The following SYNE1 variants were observed in gnomAD, a reference collection of about 807,000 sequenced individuals.
The protein encoded by SYNE1 is nesprin-1.
Under a neutral mutation model 1,111.0 loss-of-function variants are expected in SYNE1, and 616 were observed. That is an observed-to-expected ratio of 0.55 (90% CI 0.52 to 0.59). SYNE1 has a LOEUF of 0.59. Ranked by LOEUF, SYNE1 falls within the 20% of genes least tolerant of loss-of-function variation. The pLI, the probability that SYNE1 is intolerant of heterozygous loss-of-function variation, is 0.00. For missense variants in SYNE1, 10,006 were observed against 10,417.0 expected (o/e 0.96, Z 1.72); for synonymous variants, 3,855 against 3,825.8 (o/e 1.01, Z -0.28).
intron 131 of SYNE1, among the ~76,000 whole-genome samples, chr6:152,161,509 C>T (rs1301844185): frequency 6.6e-6 from 1 of 151,866 alleles, no homozygotes; most frequent in Admixed American, 6.6e-5. Flanking sequence ...AAATGGCATC[C>T]TATCATTTTA....
intron 145 of SYNE1, among the ~76,000 whole-genome samples, chr6:152,122,912 GGTTCAAA>G (rs2051848400): frequency 6.6e-6 from 1 of 152,060 alleles, no homozygotes; most frequent in African/African-American, 2.4e-5. Flanking sequence ...TAAGTAATTA[GGTTCAAA>G]TTCTACTCCT....
chr6:152,236,613 A>G (rs1010474961), intron 109 of SYNE1, among the ~76,000 whole-genome samples: 2 of 152,178 alleles, frequency 1.3e-5, no homozygotes, highest in African/African-American at 4.8e-5. Context: ...GAATTTTCAA[A>G]AAGAGCTCTC....
intron 25 of SYNE1, among the ~76,000 whole-genome samples, chr6:152,451,461 G>A (rs2098648839): frequency 7.3e-6 from 1 of 137,828 alleles, no homozygotes; most frequent in African/African-American, 2.8e-5. Flanking sequence ...CAGTAGCCCT[G>A]CACCGTATTT....
rs191886293 is a variant in SYNE1, at chr6:152,270,423, C to T, written c.18574-1137G>A. On this transcript the variant is annotated intron_variant, in intron 98 of 145. Coordinates refer to ENST00000367255, the MANE Select transcript of SYNE1 (RefSeq NM_182961.4). ...TCCATCACCATCACCAGAAACTGGC[C>T]CATTGCTAAGCTGGCTTGGAGAAAG... is the stretch of plus-strand genomic sequence containing the variant. Among the ~76,000 whole-genome samples the T allele has an allele frequency of 7.4e-3, 1,130 of 152,188 alleles. 14 individuals are homozygous for T. The highest frequency in any genetic ancestry group is 0.025 in the African/African-American group (1,050 of 41,524).
intron 11 of SYNE1, among the ~76,000 whole-genome samples, chr6:152,497,100 G>C (rs1232013525): frequency 6.6e-6 from 1 of 152,068 alleles, no homozygotes; most frequent in African/African-American, 2.4e-5. Flanking sequence ...GCCTGCACTT[G>C]GGTGATTAAA....
chr6:152,520,384 A>G, intron 6 of SYNE1, 75 bp downstream of exon 6: 1 of 1,402,526 alleles, frequency 7.1e-7, no homozygotes, highest in Admixed American at 1.7e-5. Context: ...CTGACTACAG[A>G]TAGGAGCCAA....
In SYNE1 at chr6:152,492,094, C is replaced by T. The variant is rs553229159; in HGVS notation, c.940-3591G>A. 4.6e-5 allele frequency among the ~76,000 whole-genome samples: 7 copies of T among 152,324 alleles called. No homozygotes were observed. The East Asian group carries it at 1.2e-3, about 25-fold the overall frequency. On this transcript the variant is annotated intron_variant, in intron 11 of 145. Coordinates refer to ENST00000367255, the MANE Select transcript of SYNE1 (RefSeq NM_182961.4). ...TCTCTCAAATCAGTTAGTGTTCAGG[C>T]TCTTTTTCGTCAAGTATAAAAGCCC... is the stretch of plus-strand genomic sequence containing the variant.
At chr6:152,565,234 A>T (rs923503951) in intron 3 of SYNE1, among the ~76,000 whole-genome samples, 1 of 152,218 alleles carries the variant, frequency 6.6e-6, no homozygotes, top group Non-Finnish European at 1.5e-5. Flanking sequence ...GAATTTAGAC[A>T]TTCAAAGGTA....
rs1186798259 is a variant in SYNE1, at chr6:152,391,408, C to T, written c.7873G>A (p.Glu2625Lys). ...KLRSCQVALQ[E>K]HEALEEALQS... The stretch of plus-strand genomic sequence containing the variant: ...AGTGCTTCCTCCAGGGCTTCGTGCT[C>T]CTGAAGGGCCACCTGGCAGCTCCGG... The change falls in exon 52 of 146, where the codon GAG becomes AAG. Residue 2625 changes from glutamate (E) to lysine (K), a missense_variant. Physicochemically the swap from Glu to Lys is moderately conservative, Grantham distance 56 (BLOSUM62 1). Around this residue, in one of 7 missense-constraint regions of SYNE1, gnomAD observed 4,955 missense variants for 5,017.2 expected, o/e 0.99. Transcript: ENST00000367255. The T allele has an allele frequency of 4.3e-6, 7 of 1,613,790 alleles. No individual in the cohort carries two copies. In the Admixed American group the frequency reaches 8.3e-5, roughly 19 times the overall value.
At chr6:152,484,503 C>T (rs922412633) in intron 13 of SYNE1, among the ~76,000 whole-genome samples, 1 of 152,112 alleles carries the variant, frequency 6.6e-6, no homozygotes, top group African/African-American at 2.4e-5. Flanking sequence ...TGCTACAAGA[C>T]CAGAGAGTCA....
intron 99 of SYNE1, 94 bp downstream of exon 99, chr6:152,269,061 G>T: frequency 2.5e-6 from 4 of 1,576,896 alleles, no homozygotes; most frequent in Non-Finnish European, 3.5e-6. Flanking sequence ...TCTGTCTTTA[G>T]TACAGAAGCA....
At chr6:152,623,092 T>G (rs1476563303) in intron 3 of SYNE1, among the ~76,000 whole-genome samples, 3 of 152,046 alleles carry the variant, frequency 2.0e-5, no homozygotes, top group Non-Finnish European at 2.9e-5. Context: ...CTACCCAACT[T>G]CAAACCATAC....
chr6:152,408,455 A>T (rs1286133424), intron 44 of SYNE1, among the ~76,000 whole-genome samples: 1 of 152,186 alleles, frequency 6.6e-6, no homozygotes, highest in Non-Finnish European at 1.5e-5. Flanking sequence ...ATGTTCATAA[A>T]TTCTTCTTTT....
intron 11 of SYNE1, among the ~76,000 whole-genome samples, chr6:152,493,313 C>T (rs930757413): frequency 3.3e-5 from 5 of 152,002 alleles, no homozygotes; most frequent in Non-Finnish European, 5.9e-5. Context: ...CTCTCCTATC[C>T]TCAATACCTC....
intron 95 of SYNE1, among the ~76,000 whole-genome samples, chr6:152,285,801 C>T (rs1236768448): frequency 3.3e-5 from 5 of 152,180 alleles, no homozygotes; most frequent in African/African-American, 1.2e-4. Context: ...TCCTGTCTAT[C>T]ATAATTATAC....
chr6:152,463,058 GA>G (rs1564212466), intron 19 of SYNE1, among the ~76,000 whole-genome samples, 168 bp from the exon 20 acceptor site: 1 of 151,798 alleles, frequency 6.6e-6, no homozygotes. Context: ...TAGTTTGAAA[GA>G]AAAAAAGAAA....
At chr6:152,140,601 G>A (rs1002986718) in intron 139 of SYNE1, among the ~76,000 whole-genome samples, 2 of 152,030 alleles carry the variant, frequency 1.3e-5, no homozygotes, top group Non-Finnish European at 2.9e-5. Context: ...GAGGGGAGGC[G>A]GGAGGATTAC....
At chr6:152,145,684 C>G in intron 137 of SYNE1, 1 of 806,080 alleles carries the variant, frequency 1.2e-6, no homozygotes, top group Non-Finnish European at 2.1e-6. Flanking sequence ...CCTGAGCGCA[C>G]AGAGGAGCGT....
At chr6:152,556,535 C>T (rs1017379809) in intron 3 of SYNE1, among the ~76,000 whole-genome samples, 4 of 152,160 alleles carry the variant, frequency 2.6e-5, no homozygotes, top group African/African-American at 9.7e-5. Flanking sequence ...AGACCAAAAG[C>T]CCACCCCACT....
Sources: gnomAD v4.1 joint callset for allele counts (sites outside exome capture counted in the v4.1 genomes callset) on GRCh38, gnomAD v4.1.1 for gene constraint, gnomAD v4.1.1 regional missense constraint, MANE v1.5 for transcripts, NCBI Gene and HGNC (gene_info 2026-07-23, HGNC 2026-07-21) for gene names.